HNRNPA3: variants seen among roughly 807,000 people sequenced by gnomAD.
HNRNPA3 encodes epididymis secretory sperm binding protein.
In HNRNPA3, 3 loss-of-function variants were observed where a neutral mutation model predicts 45.8. The observed-to-expected ratio is 0.07, with a 90% CI of 0.03 to 0.17. HNRNPA3 has a LOEUF of 0.17. Ranked by LOEUF, HNRNPA3 falls within the 10% of genes least tolerant of loss-of-function variation. HNRNPA3 has a pLI of 1.00. For synonymous variants in HNRNPA3, 170 were observed against 155.6 expected (o/e 1.09, Z -0.69); for missense variants, 183 against 480.3 (o/e 0.38, Z 5.79).
intron 4 of HNRNPA3, 90 bp downstream of exon 4, chr2:177,216,278 C>G (rs952151580): frequency 2.3e-6 from 2 of 874,246 alleles, no homozygotes; most frequent in South Asian, 1.6e-5. Context: ...TTTTCTGTTG[C>G]GTGTAATGGC....
At chr2:177,217,071 C>T (rs1688974223) in intron 7 of HNRNPA3, 131 bp downstream of exon 7, 1 of 971,500 alleles carries the variant, frequency 1.0e-6, no homozygotes, top group Admixed American at 3.5e-5. Context: ...CCAAACTGTA[C>T]ATGGAAGAAC....
chr2:177,222,847 A>G (rs1689242117), downstream of HNRNPA3: 1 of 152,632 alleles, frequency 6.6e-6, no homozygotes, highest in Non-Finnish European at 1.5e-5. Flanking sequence ...GTTGTCTTGC[A>G]TTTAAATTCA....
chr2:177,218,597 G>A (rs1444595141), intron 8 of HNRNPA3, among the ~76,000 whole-genome samples: 1 of 152,190 alleles, frequency 6.6e-6, no homozygotes, highest in Non-Finnish European at 1.5e-5. Context: ...AATATAATAT[G>A]TCACAGGTAG....
intron 8 of HNRNPA3, among the ~76,000 whole-genome samples, chr2:177,218,143 T>C (rs1192467487): frequency 2.8e-5 from 4 of 143,852 alleles, no homozygotes; most frequent in Non-Finnish European, 6.0e-5. Context: ...CTCATTGCAA[T>C]CTCCGCCTCC....
chr2:177,221,909 A>T (rs929674627), downstream of HNRNPA3: 2 of 152,678 alleles, frequency 1.3e-5, no homozygotes, highest in African/African-American at 4.8e-5. Flanking sequence ...TGGAACATCA[A>T]TGAGAGATAG....
In HNRNPA3 at chr2:177,212,881, G is replaced by T; in HGVS notation, c.72+10G>T. On this transcript the variant is annotated intron_variant, in intron 1 of 10. Coordinates refer to ENST00000392524, the Ensembl canonical transcript of HNRNPA3. ...CCGCCGGGGGGAGGAGGTATTAGGG[G>T]GAGAGCGGGGGGTTGGTGGGGAATG... The T allele has an allele frequency of 6.9e-7, 1 of 1,457,774 alleles. No individual in the cohort carries two copies. The allele number at this position is 1,457,774 out of a possible 1,614,324, so 90.3% of individuals were successfully genotyped here. A position where few individuals can be genotyped will look rare whatever the true frequency, so the allele number is the denominator to read the frequency against.
intron 1 of HNRNPA3, among the ~76,000 whole-genome samples, 197 bp downstream of exon 1, chr2:177,213,068 A>G (rs1337151467): frequency 6.6e-6 from 1 of 152,028 alleles, no homozygotes; most frequent in South Asian, 2.1e-4. Flanking sequence ...CTTCGGCTGC[A>G]CAGGCGGCCC....
intron 5 of HNRNPA3, 35 bp downstream of exon 5, chr2:177,216,627 T>G: frequency 6.2e-7 from 1 of 1,611,644 alleles, no homozygotes; most frequent in Non-Finnish European, 8.5e-7. Context: ...ACAGTGGATA[T>G]GAGTGGTGTT....
rs887751935 is a variant in HNRNPA3 at position 177,216,854 on chromosome 2, C to T, written c.740-6C>T. On this transcript the variant is annotated splice_polypyrimidine_tract_variant and splice_region_variant and intron_variant, in intron 6 of 10. Transcript: ENST00000392524. The stretch of plus-strand genomic sequence containing the variant: ...TTATTTTAATTCATTTCTTGTTTTT[C>T]CTCAGGAGGCTATGGTGGTGGAGGT... 3 of 1,611,986 alleles carry T rather than the reference C, an allele frequency of 1.9e-6. No individual in the cohort carries two copies. Among genetic ancestry groups the T allele is most frequent in the Admixed American group, 3.4e-5 (2 of 59,604 alleles).
chr2:177,215,949 C>T (rs1212800154), intron 3 of HNRNPA3, 29 bp from the exon 4 acceptor site: 1 of 1,596,706 alleles, frequency 6.3e-7, no homozygotes, highest in Non-Finnish European at 8.5e-7. Flanking sequence ...AAGTTTGTTT[C>T]TTGACTTAAT....
downstream of HNRNPA3, chr2:177,222,189 CTACAT>C (rs1453126414): frequency 6.6e-6 from 1 of 152,570 alleles, no homozygotes; most frequent in Non-Finnish European, 1.5e-5. Context: ...CCCTGCAAGT[CTACAT>C]TACATATTTC....
chr2:177,217,670 T>G, intron 7 of HNRNPA3, 35 bp from the exon 8 acceptor site: 2 of 1,611,374 alleles, frequency 1.2e-6, no homozygotes, highest in Non-Finnish European at 1.7e-6. Context: ...TACACTTAAG[T>G]TTTTGTGTGG....
intron 4 of HNRNPA3, 31 bp downstream of exon 4, chr2:177,216,219 G>A (rs1330041153): frequency 1.4e-6 from 2 of 1,400,312 alleles, no homozygotes; most frequent in Admixed American, 3.7e-5. Flanking sequence ...ACTTGAATGA[G>A]AAAGTAGAAC....
chr2:177,213,122 G>A (rs1430485913), intron 1 of HNRNPA3, among the ~76,000 whole-genome samples: 1 of 151,544 alleles, frequency 6.6e-6, no homozygotes, highest in Non-Finnish European at 1.5e-5. Flanking sequence ...GAGGGAAGCC[G>A]GCCTGCCGGC....
At position 177,219,024 on chromosome 2, in the gene HNRNPA3, T is replaced by G; in HGVS notation, c.962-13T>G. ...GTGTAGGTAAACCACACATAAAACCTTTCTGATTTCAGGTAACTATGGTGG... is the reference window on the plus strand; with the variant it reads ...GTGTAGGTAAACCACACATAAAACCGTTCTGATTTCAGGTAACTATGGTGG... On this transcript the variant is annotated splice_polypyrimidine_tract_variant and intron_variant, in intron 8 of 10. Transcript: ENST00000392524. The G allele has an allele frequency of 6.2e-7, 1 of 1,612,358 alleles. No homozygotes were observed. Among genetic ancestry groups the G allele is most frequent in the Non-Finnish European group, 8.5e-7 (1 of 1,179,672 alleles).
At chr2:177,219,568 C>G (rs1286544860) in exon 11 of HNRNPA3, 2 of 371,580 alleles carry the variant, frequency 5.4e-6, no homozygotes, top group African/African-American at 4.1e-5. Context: ...ACAGGAAACC[C>G]TTCTTGTTCA....
At chr2:177,212,992 T>C (rs1688747077) in intron 1 of HNRNPA3, 121 bp downstream of exon 1, 2 of 589,496 alleles carry the variant, frequency 3.4e-6, no homozygotes, top group Non-Finnish European at 5.5e-6. Flanking sequence ...TGAGACAGGC[T>C]GTGGGAGGGG....
At position 177,219,179 on chromosome 2, in the gene HNRNPA3, A is replaced by C; in HGVS notation, c.1084+20A>C. On this transcript the variant is annotated intron_variant, in intron 9 of 10. Transcript: ENST00000392524. ...ATGGTGGTAAGTACTTTCTTAAATC[A>C]ATTCTTTAGAGCCTTTTTAATTTAA... 1 of 1,611,686 alleles carries C rather than the reference A, an allele frequency of 6.2e-7. No individual in the cohort carries two copies.
At position 177,215,735 on chromosome 2, in the gene HNRNPA3, C is replaced by T; in HGVS notation, c.196-15C>T. On this transcript the variant is annotated splice_polypyrimidine_tract_variant and intron_variant, in intron 2 of 10. Coordinates refer to ENST00000392524, the Ensembl canonical transcript of HNRNPA3. ...TGGAGGTGTTTTCAACGTTATAAAA[C>T]TTTTTATTTTGTAGGTAATGAGAGA... 2 of 1,610,506 alleles carry T rather than the reference C, an allele frequency of 1.2e-6. No homozygotes were observed. The highest frequency in any genetic ancestry group is 1.7e-6 in the Non-Finnish European group (2 of 1,178,842).
Sources: allele counts gnomAD v4.1 joint callset (sites outside exome capture counted in the v4.1 genomes callset), GRCh38; gene constraint gnomAD v4.1.1; transcripts MANE v1.5; gene names NCBI Gene and HGNC (gene_info 2026-07-23, HGNC 2026-07-21).